Variants in ZKSCAN5 observed in about 807,000 individuals in gnomAD.
ZKSCAN5 encodes the protein zinc finger protein with KRAB and SCAN domains 5.
ZKSCAN5 carries 28 observed loss-of-function variants against 60.0 expected under a neutral mutation model. That is an observed-to-expected ratio of 0.47 (90% confidence interval 0.35 to 0.64). The LOEUF (loss-of-function observed/expected upper bound fraction) is 0.64, where lower values mean the gene tolerates loss of function less well. Ranked by LOEUF, ZKSCAN5 falls within the 30% of genes least tolerant of loss-of-function variation. The pLI is 0.01. For synonymous variants in ZKSCAN5, 361 were observed against 371.2 expected, an observed-to-expected ratio of 0.97 and a Z score of 0.31; for missense variants, 881 against 1,034.6, an observed-to-expected ratio of 0.85 and a Z score of 2.04.
At chr7:99,519,765 A>T in intron 3 of ZKSCAN5, 62 bp from the exon 4 acceptor site, 1 of 1,519,566 alleles carries the variant, frequency 6.6e-7, no homozygotes, top group South Asian at 1.1e-5. Context: ...TAAGAGGAAC[A>T]TGATGGCAAT....
At chr7:99,512,360 C>G in intron 2 of ZKSCAN5, 93 bp from the exon 3 acceptor site, 3 of 1,481,692 alleles carry the variant, frequency 2.0e-6, no homozygotes, top group Non-Finnish European at 2.7e-6. Flanking sequence ...AAATATTTGG[C>G]AAAGGAATGA....
intron 2 of ZKSCAN5, among the ~76,000 whole-genome samples, chr7:99,509,165 T>G (rs1800905264): frequency 6.6e-6 from 1 of 151,934 alleles, no homozygotes; most frequent in African/African-American, 2.4e-5. Context: ...ATTTTTGTAT[T>G]TTTAGTAGAG....
intron 5 of ZKSCAN5, among the ~76,000 whole-genome samples, chr7:99,523,613 T>C (rs959903691): frequency 1.3e-5 from 2 of 151,552 alleles, no homozygotes; most frequent in African/African-American, 4.9e-5. Context: ...CTCAAATCAA[T>C]CAATCAATCA....
chr7:99,506,054 A>G lies in ZKSCAN5; in HGVS notation c.10A>G (p.Thr4Ala), dbSNP rs1486436747. Residue 4 changes from threonine (T) to alanine (A), a missense_variant, in exon 2 of 7, where the codon ACC becomes GCC. By Grantham distance (58) the Thr-to-Ala change is moderately conservative. Around this residue, in one of 5 missense-constraint regions of ZKSCAN5, gnomAD observed 88 missense variants for 65.2 expected, o/e 1.35. Coordinates refer to ENST00000326775, the MANE Select transcript of ZKSCAN5 (RefSeq NM_145102.4). ...TTCCCTCTGAGTTGGAATGATAATG[A>G]CCGAATCCCGAGAAGTTATAGACTT... MIM[T>A]ESREVIDLDP... The G allele has an allele frequency of 6.2e-7, 1 of 1,613,352 alleles. No individual in the cohort carries two copies. The highest frequency in any genetic ancestry group is 1.1e-5 in the South Asian group (1 of 91,048).
intron 3 of ZKSCAN5, chr7:99,513,822 G>A (rs1207838008): frequency 1.3e-5 from 3 of 230,442 alleles, no homozygotes; most frequent in South Asian, 3.7e-5. Context: ...GAGGTCAGGA[G>A]TTCAAGACCA....
At position 99,518,436 on chromosome 7, in the gene ZKSCAN5, T is replaced by G. The variant is rs549668504; in HGVS notation, c.554-1391T>G. ...ACTCTGTCTCCAAAAAAAAAAATTT[T>G]TTTTAATTAAATTAAAAAATGAAAA... On this transcript the variant is annotated intron_variant, in intron 3 of 6. Coordinates refer to ENST00000326775, the MANE Select transcript of ZKSCAN5 (RefSeq NM_145102.4). Among the ~76,000 whole-genome samples, 3 of 152,008 alleles carry G rather than the reference T, an allele frequency of 2.0e-5. No homozygotes were observed. In the East Asian group the frequency reaches 5.8e-4, roughly 30 times the overall value.
At position 99,533,145 on chromosome 7, in the gene ZKSCAN5, A is replaced by G. The variant is rs1371575146; in HGVS notation, c.*896A>G. The G allele has an allele frequency of 2.0e-6, 1 of 492,040 alleles. No individual in the cohort carries two copies. Among genetic ancestry groups the G allele is most frequent in the Non-Finnish European group, 4.0e-6 (1 of 248,114 alleles). 30.5% of individuals were successfully genotyped at this position (492,040 alleles called of 1,614,324 possible). A position where few individuals can be genotyped will look rare whatever the true frequency, so the allele number is the denominator to read the frequency against. Reference sequence around the variant, plus strand: ...AATTACGAGTCCTGGTCCCAGCAGTATGTGTGCTGACTTCTGGGTGCCCCA... The same window carrying G: ...AATTACGAGTCCTGGTCCCAGCAGTGTGTGTGCTGACTTCTGGGTGCCCCA... On this transcript the variant is annotated 3_prime_UTR_variant, in exon 7 of 7. Coordinates refer to ENST00000326775, the MANE Select transcript of ZKSCAN5 (RefSeq NM_145102.4).
rs1802031445 is a variant in ZKSCAN5 at position 99,531,280 on chromosome 7, C to T, written c.1551C>T (p.Pro517=). 1.9e-6 allele frequency: 3 copies of T among 1,613,976 alleles called. No homozygotes were observed. The highest frequency in any genetic ancestry group is 2.7e-5 in the African/African-American group (2 of 74,900). Reference sequence around the variant, plus strand: ...AGCTGGATAGAAAGCAGGGAATTCCCATGAAAGAGATACTAGGACAACCAT... The same window carrying T: ...AGCTGGATAGAAAGCAGGGAATTCCTATGAAAGAGATACTAGGACAACCAT... ...QGKLDRKQGI[P]MKEILGQPSS... is the part of the protein sequence containing the mutation. The change falls in exon 7 of 7, where the codon CCC becomes CCT. Residue 517 remains proline, a synonymous_variant. Transcript: ENST00000326775.
intron 3 of ZKSCAN5, among the ~76,000 whole-genome samples, chr7:99,514,547 G>T (rs1455983752): frequency 6.6e-6 from 1 of 151,844 alleles, no homozygotes; most frequent in Non-Finnish European, 1.5e-5. Context: ...CAAAGCAGGT[G>T]GATCTCTTGA....
chr7:99,524,895 G>A (rs1452720671), intron 5 of ZKSCAN5, among the ~76,000 whole-genome samples: 3 of 151,938 alleles, frequency 2.0e-5, no homozygotes, highest in East Asian at 1.9e-4. Context: ...GTGACTGGGC[G>A]CGGTGGCTCA....
intron 3 of ZKSCAN5, among the ~76,000 whole-genome samples, chr7:99,518,670 CTTTTTTT>C (rs993896580): frequency 4.3e-5 from 4 of 92,230 alleles, no homozygotes; most frequent in Middle Eastern, 8.5e-3. Context: ...AGAATGCATC[CTTTTTTT>C]TTTTTTTTTT....
chr7:99,512,431 C>A, intron 2 of ZKSCAN5, 22 bp from the exon 3 acceptor site: 1 of 1,610,916 alleles, frequency 6.2e-7, no homozygotes, highest in Non-Finnish European at 8.5e-7. Context: ...CTGTACTGAT[C>A]GGTTTTGGTT....
chr7:99,512,452 G>A lies in ZKSCAN5; in HGVS notation c.415-1G>A. The A allele has an allele frequency of 6.2e-7, 1 of 1,613,332 alleles. No homozygotes were observed. The highest frequency in any genetic ancestry group is 8.5e-7 in the Non-Finnish European group (1 of 1,179,566). On this transcript the variant is annotated splice_acceptor_variant, in intron 2 of 6. Transcript: ENST00000326775. LOFTEE classifies it high-confidence loss of function. Reference sequence around the variant, plus strand: ...TGATCGGTTTTGGTTGTGGTTGTTAGATTGTTGCCTGCCCTGATGTGCTTC... The same window carrying A: ...TGATCGGTTTTGGTTGTGGTTGTTAAATTGTTGCCTGCCCTGATGTGCTTC...
chr7:99,520,267 T>C lies in ZKSCAN5; in HGVS notation c.735T>C (p.Asp245=). The stretch of plus-strand genomic sequence containing the variant: ...AGTCCCAGAAGTCCCTTTATAGGGA[T>C]GACAGGAAGGAGAACTATGGGAGTA... ...LDQSQKSLYR[D]DRKENYGSIT... The change falls in exon 5 of 7, where the codon GAT becomes GAC. Residue 245 remains aspartate (D), a synonymous_variant. Transcript: ENST00000326775. 4.3e-6 allele frequency: 7 copies of C among 1,614,112 alleles called. No homozygotes were observed. Among genetic ancestry groups the C allele is most frequent in the African/African-American group, 1.3e-5 (1 of 75,042 alleles).
intron 5 of ZKSCAN5, among the ~76,000 whole-genome samples, chr7:99,521,879 C>A (rs933423264): frequency 1.3e-5 from 2 of 151,826 alleles, no homozygotes; most frequent in African/African-American, 4.8e-5. Context: ...TTTAAAAATT[C>A]TTTTCTTTTT....
At position 99,534,685 on chromosome 7, in the gene ZKSCAN5, A is replaced by C. The variant is rs1181617110; in HGVS notation, c.*2436A>C. 6.6e-6 allele frequency: 1 copy of C among 151,764 alleles called. No individual in the cohort carries two copies. Among genetic ancestry groups the C allele is most frequent in the African/African-American group, 2.4e-5 (1 of 41,282 alleles). 9.4% of individuals were successfully genotyped at this position (151,764 alleles called of 1,614,324 possible). The stretch of plus-strand genomic sequence containing the variant: ...AGAGCGACAGTGTCTAAAAAAAAAA[A>C]AAAAAAAAAAAAAAACATTTTTTGG... On this transcript the variant is annotated 3_prime_UTR_variant, in exon 7 of 7. Coordinates refer to ENST00000326775, the MANE Select transcript of ZKSCAN5 (RefSeq NM_145102.4).
intron 2 of ZKSCAN5, among the ~76,000 whole-genome samples, chr7:99,506,849 A>ATTTTTTTT: frequency 7.9e-6 from 1 of 125,920 alleles, no homozygotes; most frequent in Non-Finnish European, 1.7e-5. Flanking sequence ...GGCCCGGCTA[A>ATTTTTTTT]TTTTTTTTTT....
rs751663842 is a variant in ZKSCAN5 at position 99,533,118 on chromosome 7, C to T, written c.*869C>T. On this transcript the variant is annotated 3_prime_UTR_variant, in exon 7 of 7. Transcript: ENST00000326775. ...ACCCATAGAAGGAGTTGGACCAAGG[C>T]GAATTACGAGTCCTGGTCCCAGCAG... The T allele has an allele frequency of 5.3e-5, 22 of 411,232 alleles. No homozygotes were observed. Among genetic ancestry groups the T allele is most frequent in the Admixed American group, 1.3e-4 (5 of 38,010 alleles). The allele number at this position is 411,232 out of a possible 1,614,324, so 25.5% of individuals were successfully genotyped here.
chr7:99,526,475 TTTA>T (rs1801798939), intron 6 of ZKSCAN5, 57 bp downstream of exon 6: 28 of 1,556,534 alleles, frequency 1.8e-5, no homozygotes, highest in Non-Finnish European at 2.4e-5. Context: ...CAAAAGGTGT[TTTA>T]TTAGTACGGT....
Sources: allele counts gnomAD v4.1 joint callset (sites outside exome capture counted in the v4.1 genomes callset), GRCh38; gene constraint gnomAD v4.1.1; regional missense constraint gnomAD v4.1.1; transcripts MANE v1.5; gene names NCBI Gene and HGNC (gene_info 2026-07-23, HGNC 2026-07-21).